Variants in SREBF1 observed in about 807,000 individuals in gnomAD.
SREBF1 encodes the protein sterol regulatory element-binding protein 1.
Under a neutral mutation model 100.1 loss-of-function variants are expected in SREBF1, and 45 were observed. The ratio of observed to expected loss-of-function variants is 0.45; its 90% CI spans 0.35 to 0.58. The LOEUF is 0.58. SREBF1 is among the 20% of genes least tolerant of loss of function. The pLI, the probability that SREBF1 is intolerant of heterozygous loss-of-function variation, is 0.00. For missense variants in SREBF1, 1,324 were observed against 1,539.4 expected (o/e 0.86, Z 2.34); for synonymous variants, 657 against 681.8 (o/e 0.96, Z 0.57).
chr17:17,828,933 G>A (rs748530232), intron 1 of SREBF1, among the ~76,000 whole-genome samples: 13 of 151,206 alleles, frequency 8.6e-5, no homozygotes, highest in Non-Finnish European at 1.8e-4. Context: ...ACTGGCTCAC[G>A]CCTGTAATCC....
At chr17:17,821,365 G>A (rs1301920095) in intron 1 of SREBF1, among the ~76,000 whole-genome samples, 2 of 152,044 alleles carry the variant, frequency 1.3e-5, no homozygotes, top group South Asian at 2.1e-4. Flanking sequence ...TGTGTGAAAC[G>A]GGGGGCACGC....
chr17:17,823,491 G>T, intron 1 of SREBF1: 1 of 1,543,410 alleles, frequency 6.5e-7, no homozygotes, highest in Non-Finnish European at 9.0e-7. Flanking sequence ...TTGTATAAAG[G>T]GCTGGTGGGG....
rs1444884963 is a variant in SREBF1 at position 17,820,468 on chromosome 17, G to A, written c.145C>T (p.Pro49Ser). The A allele has an allele frequency of 6.2e-7, 1 of 1,614,070 alleles. No homozygotes were observed. The highest frequency in any genetic ancestry group is 1.7e-5 in the Admixed American group (1 of 60,016). ...CCTGCCCCACTCCCAGCATAGGGTG[G>A]GTCAAATAGGCCAGGGAAGTCACTG... ...QDSDFPGLFD[P>S]PYAGSGAGGT... is the part of the protein sequence containing the mutation. Residue 49 changes from proline to serine, a missense_variant, in exon 2 of 19, where the codon CCA becomes TCA. By Grantham distance (74) the Pro-to-Ser change is moderately conservative. Transcript: ENST00000261646.
In SREBF1 at chr17:17,814,242, C is replaced by A. The variant is rs953520858; in HGVS notation, c.2901+3G>T. ...CTGCCAGGCCCCTGACCCCACCCCTCACCTTGTCAATGGAGCTGCTGGCTG... is the reference window on the plus strand; with the variant it reads ...CTGCCAGGCCCCTGACCCCACCCCTAACCTTGTCAATGGAGCTGCTGGCTG... On this transcript the variant is annotated splice_donor_region_variant and intron_variant, in intron 16 of 18. Transcript: ENST00000261646. 2 of 1,604,032 alleles carry A rather than the reference C, an allele frequency of 1.2e-6. No homozygotes were observed. Among genetic ancestry groups the A allele is most frequent in the South Asian group, 1.1e-5 (1 of 89,308 alleles).
Position 17,833,420 on chromosome 17 carries a change from C to CAA in SREBF1, c.91+3305_91+3306dup, listed in dbSNP as rs56369932. Among the ~76,000 whole-genome samples, 418 of 51,066 alleles carry CAA rather than the reference C, an allele frequency of 8.2e-3. 16 individuals are homozygous for CAA. Among genetic ancestry groups the CAA allele is most frequent in the Non-Finnish European group, 0.01 (332 of 32,914 alleles). 33.5% of individuals were successfully genotyped at this position (51,066 alleles called of 152,430 possible). A position where few individuals can be genotyped will look rare whatever the true frequency, so the allele number is the denominator to read the frequency against. Reference sequence around the variant, plus strand: ...TGGGCGACAGAGCAAGACTCCGTCTCAAAAAAAAAAAAAAAAAAAAAAAAA... The same window carrying CAA: ...TGGGCGACAGAGCAAGACTCCGTCTCAAAAAAAAAAAAAAAAAAAAAAAAAAA... On this transcript the variant is annotated intron_variant, in intron 1 of 18. Transcript: ENST00000261646.
Position 17,812,416 on chromosome 17 carries a change from G to T in SREBF1, c.*206C>A. On this transcript the variant is annotated 3_prime_UTR_variant, in exon 19 of 19. Transcript: ENST00000261646. ...GCAGTGCCCCGATCGGCCACCAGAG[G>T]TCAGCACCATCATGGCCGCCGGTCT... 1.5e-6 allele frequency: 1 copy of T among 645,174 alleles called. No individual in the cohort carries two copies. Among genetic ancestry groups the T allele is most frequent in the Non-Finnish European group, 2.6e-6 (1 of 378,352 alleles). 40.0% of individuals were successfully genotyped at this position (645,174 alleles called of 1,614,324 possible).
Position 17,836,760 on chromosome 17 carries a change from C to G in SREBF1, c.58G>C (p.Asp20His). The change falls in exon 1 of 19, where the codon GAT (aspartate) becomes CAT (histidine). Residue 20 changes from aspartate to histidine, a missense_variant. Coordinates refer to ENST00000261646, the MANE Select transcript of SREBF1 (RefSeq NM_004176.5). ...ALEQALGEPC[D>H]LDAALLTDIE... ...TCGGTCAGCAGCGCCGCGTCCAGAT[C>G]GCACGGCTCGCCCAGCGCCTGCTCC... 6.4e-7 allele frequency: 1 copy of G among 1,571,948 alleles called. No homozygotes were observed. Among genetic ancestry groups the G allele is most frequent in the Non-Finnish European group, 8.6e-7 (1 of 1,166,860 alleles).
chr17:17,836,668 T>C, intron 1 of SREBF1, 59 bp downstream of exon 1: 1 of 1,501,516 alleles, frequency 6.7e-7, no homozygotes, highest in Non-Finnish European at 9.0e-7. Context: ...GGGAGACACC[T>C]GCGCGCCCCC....
Position 17,812,195 on chromosome 17 carries a change from C to T in SREBF1, c.*427G>A, listed in dbSNP as rs1033629532. ...TCAGGAGGCTAAGCACGCTGACCTA[C>T]ACTATGTACACGTCTCTCTCCCACG... On this transcript the variant is annotated 3_prime_UTR_variant, in exon 19 of 19. Transcript: ENST00000261646. 15 of 421,258 alleles carry T rather than the reference C, an allele frequency of 3.6e-5. No homozygotes were observed. The highest frequency in any genetic ancestry group is 5.3e-5 in the Non-Finnish European group (12 of 225,056). 26.1% of individuals were successfully genotyped at this position (421,258 alleles called of 1,614,324 possible). A position where few individuals can be genotyped will look rare whatever the true frequency, so the allele number is the denominator to read the frequency against.
chr17:17,818,649 C>G, intron 5 of SREBF1: 1 of 518,700 alleles, frequency 1.9e-6, no homozygotes. Flanking sequence ...TGGCTACCAC[C>G]AGGGGACCCT....
At chr17:17,826,546 G>C (rs1170788641) in intron 1 of SREBF1, among the ~76,000 whole-genome samples, 1 of 152,194 alleles carries the variant, frequency 6.6e-6, no homozygotes, top group Non-Finnish European at 1.5e-5. Context: ...AGGAGGCATA[G>C]ACTCTGGGCC....
In SREBF1 at chr17:17,812,831, G is replaced by C; in HGVS notation, c.3235C>G (p.Pro1079Ala). Reference sequence around the variant, plus strand: ...GCGTGCTCCCGCCGCGTGGGCCGCGGCTCCAGCTCCGCCACCGCGCCTGCG... The same window carrying C: ...GCGTGCTCCCGCCGCGTGGGCCGCGCCTCCAGCTCCGCCACCGCGCCTGCG... The part of the protein sequence containing the change: ...GKGGAVAELE[P>A]RPTRREHAEA... Residue 1079 changes from proline to alanine, a missense_variant, in exon 19 of 19, where the codon CCG becomes GCG. Pro to Ala is a conservative substitution (Grantham distance 27, BLOSUM62 -1). Transcript: ENST00000261646. 6.8e-7 allele frequency: 1 copy of C among 1,473,784 alleles called. No homozygotes were observed. Among genetic ancestry groups the C allele is most frequent in the Non-Finnish European group, 8.9e-7 (1 of 1,119,970 alleles). The allele number at this position is 1,473,784 out of a possible 1,614,324, so 91.3% of individuals were successfully genotyped here.
chr17:17,829,205 A>AAATATATATATATATATATATAT (rs1210718799), intron 1 of SREBF1, among the ~76,000 whole-genome samples: 2 of 65,848 alleles, frequency 3.0e-5, no homozygotes, highest in African/African-American at 1.8e-4. Context: ...AAAAAAAAAA[A>AAATATATATATATATATATATAT]ATATATATAT....
chr17:17,827,823 C>G (rs542771924), intron 1 of SREBF1, among the ~76,000 whole-genome samples: 1 of 152,346 alleles, frequency 6.6e-6, no homozygotes, highest in East Asian at 1.9e-4. Context: ...CAACTCCGGC[C>G]TGCCTCTGCC....
In SREBF1 at chr17:17,814,993, G is replaced by A. The variant is rs1472291947; in HGVS notation, c.2493-49C>T. On this transcript the variant is annotated intron_variant, in intron 13 of 18. Coordinates refer to ENST00000261646, the MANE Select transcript of SREBF1 (RefSeq NM_004176.5). Reference sequence around the variant, plus strand: ...TCGGAACAGATGGCAGGGGTCCTAGGAGGGTGCTCCCCACCTGCCCTCCAG... The same window carrying A: ...TCGGAACAGATGGCAGGGGTCCTAGAAGGGTGCTCCCCACCTGCCCTCCAG... 5 of 1,518,458 alleles carry A rather than the reference G, an allele frequency of 3.3e-6. 1 individual carries two copies. The Admixed American group carries it at 9.8e-5, about 30-fold the overall frequency. The allele number at this position is 1,518,458 out of a possible 1,614,324, so 94.1% of individuals were successfully genotyped here. A position where few individuals can be genotyped will look rare whatever the true frequency, so the allele number is the denominator to read the frequency against.
Position 17,813,761 on chromosome 17 carries a change from C to T in SREBF1, c.2910G>A (p.Gln970=). ...PASSSIDKAV[Q]LFLCDLLLVV... ...CAAGAAGCAGGTCACACAGGAACAG[C>T]TGCACGGCCTGGGGGTGGCAGGCAG... is the stretch of plus-strand genomic sequence containing the variant. The change falls in exon 17 of 19, where the codon CAG becomes CAA. Residue 970 remains glutamine (Q), a synonymous_variant. Coordinates refer to ENST00000261646, the MANE Select transcript of SREBF1 (RefSeq NM_004176.5). The T allele has an allele frequency of 1.3e-6, 2 of 1,535,330 alleles. No individual in the cohort carries two copies. The highest frequency in any genetic ancestry group is 1.7e-6 in the Non-Finnish European group (2 of 1,146,666).
At chr17:17,825,669 A>G (rs11078399) in intron 1 of SREBF1, among the ~76,000 whole-genome samples, 75,616 of 146,342 alleles carry the variant, frequency 0.52, 20,772 homozygotes, top group Non-Finnish European at 0.63. Flanking sequence ...GTGCAGTGAC[A>G]CGATCTCAGC....
At chr17:17,816,413 G>A (rs1451381213) in intron 10 of SREBF1, 40 bp from the exon 11 acceptor site, 3 of 1,600,126 alleles carry the variant, frequency 1.9e-6, no homozygotes, top group Non-Finnish European at 2.6e-6. Flanking sequence ...GTGGAGCACA[G>A]GCAGCAGGGA....
Position 17,824,938 on chromosome 17 carries a change from G to C in SREBF1, c.92-4417C>G, listed in dbSNP as rs1488947424. ...TCAAGGACAACAGACGGCCTCTCTA[G>C]CATGGCCCAACCCTCCCCTCAGCCC... On this transcript the variant is annotated intron_variant, in intron 1 of 18. Transcript: ENST00000261646. This position sits in a 1 kb window ranked among gnomAD's most constrained non-coding sequence, Gnocchi z 4.2. 6.6e-6 allele frequency among the ~76,000 whole-genome samples: 1 copy of C among 152,144 alleles called. No individual in the cohort carries two copies. Among genetic ancestry groups the C allele is most frequent in the South Asian group, 2.1e-4 (1 of 4,830 alleles).
Sources: allele counts gnomAD v4.1 joint callset (sites outside exome capture counted in the v4.1 genomes callset), GRCh38; gene constraint gnomAD v4.1.1; non-coding constraint Gnocchi (gnomAD v3.1); transcripts MANE v1.5; gene names NCBI Gene and HGNC (gene_info 2026-07-23, HGNC 2026-07-21).